TRDN: variants seen among roughly 807,000 people sequenced by gnomAD.
TRDN encodes triadin in skeletal muscle.
A neutral mutation model predicts 149.7 loss-of-function variants in TRDN; 161 were observed. The ratio of observed to expected loss-of-function variants is 1.08; its 90% CI spans 0.95 to 1.23. TRDN has a LOEUF of 1.23. Among genes scored for constraint, TRDN ranks in the 50% most tolerant of loss-of-function variants. The pLI, the probability that TRDN is intolerant of heterozygous loss-of-function variation, is 0.00. For synonymous variants in TRDN, 294 were observed against 250.5 expected (o/e 1.17, Z -1.64); for missense variants, 896 against 823.5 (o/e 1.09, Z -1.08).
intron 38 of TRDN, among the ~76,000 whole-genome samples, chr6:123,250,824 T>C (rs1280758908): frequency 1.3e-5 from 2 of 152,160 alleles, no homozygotes; most frequent in Admixed American, 6.6e-5. Context: ...CATAGCTTTC[T>C]GTGGCACATT....
At chr6:123,298,593 T>G (rs1778291676) in intron 24 of TRDN, among the ~76,000 whole-genome samples, 1 of 152,102 alleles carries the variant, frequency 6.6e-6, no homozygotes, top group Admixed American at 6.6e-5. Context: ...GCTATCATCT[T>G]TGTATTCTTA....
intron 2 of TRDN, among the ~76,000 whole-genome samples, chr6:123,569,459 A>G (rs1005064256): frequency 6.6e-6 from 1 of 152,140 alleles, no homozygotes; most frequent in Non-Finnish European, 1.5e-5. Flanking sequence ...TTATAGCAAT[A>G]CCCCACTACT....
chr6:123,279,151 A>G, intron 24 of TRDN, 69 bp from the exon 25 acceptor site: 1 of 1,198,834 alleles, frequency 8.3e-7, no homozygotes, highest in South Asian at 1.5e-5. Context: ...ATTATTGAAT[A>G]TGATATAATA....
intron 38 of TRDN, among the ~76,000 whole-genome samples, chr6:123,235,914 A>T (rs943247517): frequency 6.6e-6 from 1 of 152,222 alleles, no homozygotes; most frequent in Non-Finnish European, 1.5e-5. Context: ...GATGTACTAC[A>T]GCTTCTATAT....
chr6:123,271,967 C>A (rs1022467572), intron 29 of TRDN, among the ~76,000 whole-genome samples: 3 of 151,842 alleles, frequency 2.0e-5, no homozygotes, highest in South Asian at 2.1e-4. Context: ...AAGAAAATAA[C>A]AATGTTTCAT....
chr6:123,528,604 A>G (rs1346571546), intron 5 of TRDN: 1 of 980,504 alleles, frequency 1.0e-6, no homozygotes, highest in Non-Finnish European at 1.2e-6. Flanking sequence ...TAAATTCCTA[A>G]CTATCCATCA....
At chr6:123,379,013 T>C (rs980122723) in intron 16 of TRDN, among the ~76,000 whole-genome samples, 2 of 152,194 alleles carry the variant, frequency 1.3e-5, no homozygotes, top group Non-Finnish European at 2.9e-5. Flanking sequence ...TTATTTTGCC[T>C]TGACAACCTT....
chr6:123,276,985 G>T (rs1777390026), intron 26 of TRDN, among the ~76,000 whole-genome samples: 1 of 152,136 alleles, frequency 6.6e-6, no homozygotes. Context: ...GAGCCAGAAA[G>T]AATATTCTCA....
intron 1 of TRDN, among the ~76,000 whole-genome samples, chr6:123,617,113 C>G (rs1301592605): frequency 1.3e-5 from 2 of 151,852 alleles, no homozygotes; most frequent in Admixed American, 6.6e-5. Context: ...TTTTTTTAAC[C>G]ACAGCAGTGT....
chr6:123,503,506 G>T lies in TRDN; in HGVS notation c.793+213C>A, dbSNP rs568068208. 2.6e-4 allele frequency: 358 copies of T among 1,380,824 alleles called. 6 individuals are homozygous for T. The South Asian group carries it at 6.2e-3, about 24-fold the overall frequency. The allele number at this position is 1,380,824 out of a possible 1,614,324, so 85.5% of individuals were successfully genotyped here. On this transcript the variant is annotated intron_variant, in intron 8 of 40. Transcript: ENST00000334268. Reference sequence around the variant, plus strand: ...ACCCCTTTTAAAAATACTTCAAAATGCCCCTTTAGATCTGTGAACACATTT... The same window carrying T: ...ACCCCTTTTAAAAATACTTCAAAATTCCCCTTTAGATCTGTGAACACATTT...
intron 9 of TRDN, among the ~76,000 whole-genome samples, chr6:123,496,003 TATG>T (rs1778427607): frequency 6.7e-6 from 1 of 148,912 alleles, no homozygotes; most frequent in Admixed American, 6.8e-5. Flanking sequence ...CCAATTATGC[TATG>T]ATACTATACA....
chr6:123,600,708 C>T (rs944055973), intron 1 of TRDN, among the ~76,000 whole-genome samples: 1 of 152,048 alleles, frequency 6.6e-6, no homozygotes, highest in African/African-American at 2.4e-5. Context: ...TCTGGTTATA[C>T]AGCAGTTGGA....
intron 38 of TRDN, among the ~76,000 whole-genome samples, chr6:123,236,118 C>T (rs111558573): frequency 1.3e-5 from 2 of 152,272 alleles, no homozygotes; most frequent in African/African-American, 2.4e-5. Context: ...TTTGCCTTCC[C>T]GACAGCAATG....
At chr6:123,602,943 T>C (rs552335958) in intron 1 of TRDN, among the ~76,000 whole-genome samples, 2 of 138,052 alleles carry the variant, frequency 1.4e-5, no homozygotes, top group African/African-American at 3.5e-5. Flanking sequence ...TAAAAAAAAA[T>C]CAGTATGTGA....
chr6:123,324,790 A>G (rs1369839294), intron 23 of TRDN, among the ~76,000 whole-genome samples: 2 of 152,184 alleles, frequency 1.3e-5, no homozygotes, highest in African/African-American at 4.8e-5. Flanking sequence ...TGCAGAGAAA[A>G]TCCTGGCCCC....
chr6:123,448,193 T>A (rs1390119353), intron 10 of TRDN, among the ~76,000 whole-genome samples: 1 of 152,074 alleles, frequency 6.6e-6, no homozygotes, highest in Non-Finnish European at 1.5e-5. Flanking sequence ...AGAAAATCTC[T>A]AGCTGAACTT....
intron 12 of TRDN, among the ~76,000 whole-genome samples, chr6:123,402,040 T>A (rs763003233): frequency 6.6e-6 from 1 of 151,738 alleles, no homozygotes; most frequent in Non-Finnish European, 1.5e-5. Flanking sequence ...TGACAATGTA[T>A]CCTCCTGGAA....
At chr6:123,273,229 T>C (rs756539518) in intron 28 of TRDN, 108 bp downstream of exon 28, 3 of 886,844 alleles carry the variant, frequency 3.4e-6, no homozygotes, top group Non-Finnish European at 4.9e-6. Context: ...ACACAGGCTG[T>C]AATAAAACAT....
intron 38 of TRDN, among the ~76,000 whole-genome samples, chr6:123,251,055 C>G (rs1344991803): frequency 1.3e-5 from 2 of 152,134 alleles, no homozygotes; most frequent in Non-Finnish European, 2.9e-5. Context: ...GCTCTCATTA[C>G]CTTTGGCTGT....
Sources: gnomAD v4.1 joint callset for allele counts (sites outside exome capture counted in the v4.1 genomes callset) on GRCh38, gnomAD v4.1.1 for gene constraint, MANE v1.5 for transcripts, NCBI Gene and HGNC (gene_info 2026-07-23, HGNC 2026-07-21) for gene names.